The following TGM3 variants were observed in gnomAD, a reference collection of about 807,000 sequenced individuals.
The protein encoded by TGM3 is transglutaminase 3, also known as protein-glutamine gamma-glutamyltransferase E.
TGM3 carries 52 observed loss-of-function variants against 73.8 expected under a neutral mutation model. The ratio of observed to expected loss-of-function variants is 0.70; its 90% CI spans 0.56 to 0.89. TGM3 has a LOEUF of 0.89. Among genes scored for constraint, TGM3 ranks in the 40% least tolerant of loss-of-function variants. TGM3 has a pLI of 0.00. For missense variants in TGM3, 928 were observed against 909.9 expected (o/e 1.02, Z -0.26); for synonymous variants, 372 against 354.9 (o/e 1.05, Z -0.54).
chr20:2,317,304 G>T (rs756981026), intron 6 of TGM3, 46 bp from the exon 7 acceptor site: 5 of 1,613,870 alleles, frequency 3.1e-6, no homozygotes, highest in Admixed American at 3.3e-5. Context: ...CTATGCCAAG[G>T]TACCATCTCC....
At chr20:2,309,373 CAGGATGCACAG>C (rs1244746780) in intron 1 of TGM3, among the ~76,000 whole-genome samples, 1 of 152,190 alleles carries the variant, frequency 6.6e-6, no homozygotes, top group Non-Finnish European at 1.5e-5. Context: ...GCTGTGGGAA[CAGGATGCACAG>C]AGGTTCAGCT....
At position 2,317,249 on chromosome 20, in the gene TGM3, C is replaced by T. The variant is rs372303255; in HGVS notation, c.847+4C>T. The T allele has an allele frequency of 7.0e-5, 113 of 1,614,040 alleles. No homozygotes were observed. In the African/African-American group the frequency reaches 1.4e-3, roughly 20 times the overall value. On this transcript the variant is annotated splice_donor_region_variant and intron_variant, in intron 6 of 12. Coordinates refer to ENST00000381458, the MANE Select transcript of TGM3 (RefSeq NM_003245.4). Reference sequence around the variant, plus strand: ...TTTGCTGGGACCCTCAACACAGGTACCTTGGGTGTGGTGTGCCTTGGCTGG... The same window carrying T: ...TTTGCTGGGACCCTCAACACAGGTATCTTGGGTGTGGTGTGCCTTGGCTGG...
At chr20:2,316,895 G>T (rs554428139) in intron 5 of TGM3, among the ~76,000 whole-genome samples, 173 bp from the exon 6 acceptor site, 2 of 152,130 alleles carry the variant, frequency 1.3e-5, no homozygotes, top group Non-Finnish European at 2.9e-5. Flanking sequence ...TACCCCTAAG[G>T]GTTAAGTGTT....
rs145559814 is a variant in TGM3, at chr20:2,340,725, G to A, written c.*144G>A. 2.0e-4 allele frequency: 208 copies of A among 1,066,582 alleles called. 1 individual carries two copies. Among genetic ancestry groups the A allele is most frequent in the Admixed American group, 7.7e-4 (38 of 49,404 alleles). The allele number at this position is 1,066,582 out of a possible 1,614,324, so 66.1% of individuals were successfully genotyped here. A position where few individuals can be genotyped will look rare whatever the true frequency, so the allele number is the denominator to read the frequency against. ...GCCAGACATGGACCTCCAGGCTCCAGCACATCCCCCTCTCCTCTCCCCCAG... is the reference window on the plus strand; with the variant it reads ...GCCAGACATGGACCTCCAGGCTCCAACACATCCCCCTCTCCTCTCCCCCAG... On this transcript the variant is annotated 3_prime_UTR_variant, in exon 13 of 13. Transcript: ENST00000381458.
intron 1 of TGM3, among the ~76,000 whole-genome samples, chr20:2,300,523 A>G (rs1600689177): frequency 6.6e-6 from 1 of 152,148 alleles, no homozygotes; most frequent in East Asian, 1.9e-4. Context: ...ACCTGTGTCT[A>G]AGTCATTGCT....
intron 1 of TGM3, among the ~76,000 whole-genome samples, chr20:2,298,159 G>A (rs966304145): frequency 5.9e-5 from 9 of 152,148 alleles, no homozygotes; most frequent in African/African-American, 1.9e-4. Context: ...TGCTTTGAGA[G>A]GACTCTGTGT....
Position 2,337,717 on chromosome 20 carries a change from CA to C in TGM3, c.1801-2123del, listed in dbSNP as rs554353976. ...CCTGGCTGACAGAGTGAGACTCCGTCAAAAAAAAAAAAAATTAGTGTTTTTC... is the reference window on the plus strand; with the variant it reads ...CCTGGCTGACAGAGTGAGACTCCGTCAAAAAAAAAAAAATTAGTGTTTTTC... On this transcript the variant is annotated intron_variant, in intron 11 of 12. Coordinates refer to ENST00000381458, the MANE Select transcript of TGM3 (RefSeq NM_003245.4). 2.5e-3 allele frequency among the ~76,000 whole-genome samples: 348 copies of C among 139,854 alleles called. 1 individual carries two copies. Among genetic ancestry groups the C allele is most frequent in the South Asian group, 7.5e-3 (33 of 4,426 alleles). 91.7% of individuals were successfully genotyped at this position (139,854 alleles called of 152,430 possible).
chr20:2,320,283 C>T (rs1018153949), intron 7 of TGM3, among the ~76,000 whole-genome samples: 1 of 152,188 alleles, frequency 6.6e-6, no homozygotes, highest in African/African-American at 2.4e-5. Context: ...GTAATAGTAA[C>T]AGCAGCAACT....
At chr20:2,317,609 T>A in intron 7 of TGM3, 124 bp downstream of exon 7, 1 of 1,359,436 alleles carries the variant, frequency 7.4e-7, no homozygotes, top group East Asian at 2.3e-5. Flanking sequence ...CATCACAGGG[T>A]GTAGAATGGA....
In TGM3 at chr20:2,339,870, G is replaced by C. The variant is rs757993770; in HGVS notation, c.1817G>C (p.Arg606Pro). The stretch of plus-strand genomic sequence containing the variant: ...CCCCCATAGGTGCTGAACGAGGCTC[G>C]TGTGCGGAAGCCTGTGAACGTGCAG... ...TLTLEVLNEA[R>P]VRKPVNVQML... Residue 606 changes from arginine (R) to proline (P), a missense_variant, in exon 12 of 13, where the codon CGT becomes CCT. Arg to Pro is a moderately radical substitution (Grantham distance 103, BLOSUM62 -2). Coordinates refer to ENST00000381458, the MANE Select transcript of TGM3 (RefSeq NM_003245.4). The C allele has an allele frequency of 2.5e-6, 4 of 1,614,042 alleles. No individual in the cohort carries two copies. Among genetic ancestry groups the C allele is most frequent in the Non-Finnish European group, 3.4e-6 (4 of 1,180,012 alleles).
At chr20:2,321,864 GGGA>G (rs1306817176) in intron 7 of TGM3, among the ~76,000 whole-genome samples, 2 of 152,328 alleles carry the variant, frequency 1.3e-5, no homozygotes, top group Admixed American at 1.3e-4. Context: ...TTTTGCATGA[GGGA>G]GGAACCAGGA....
At chr20:2,307,913 G>A (rs948254900) in intron 1 of TGM3, among the ~76,000 whole-genome samples, 2 of 151,990 alleles carry the variant, frequency 1.3e-5, no homozygotes, top group African/African-American at 2.4e-5. Flanking sequence ...CAGTGTGCTA[G>A]GCATCAGAAT....
In TGM3 at chr20:2,332,416, A is replaced by G. The variant is rs1192454267; in HGVS notation, c.1642+106A>G. On this transcript the variant is annotated intron_variant, in intron 10 of 12. Coordinates refer to ENST00000381458, the MANE Select transcript of TGM3 (RefSeq NM_003245.4). This position sits in a 1 kb window ranked among gnomAD's most constrained non-coding sequence, Gnocchi z 4.4. ...CTCCAGGTTAGTCAGCTACGAATGG[A>G]GCAGCCAGCGGCCCCTGTGGTTAAG... The G allele has an allele frequency of 9.9e-6, 11 of 1,116,130 alleles. No homozygotes were observed. The highest frequency in any genetic ancestry group is 1.2e-5 in the Non-Finnish European group (10 of 805,150). The allele number at this position is 1,116,130 out of a possible 1,614,324, so 69.1% of individuals were successfully genotyped here. A position where few individuals can be genotyped will look rare whatever the true frequency, so the allele number is the denominator to read the frequency against.
At chr20:2,339,656 C>G (rs1350016643) in intron 11 of TGM3, among the ~76,000 whole-genome samples, 198 bp from the exon 12 acceptor site, 1 of 152,120 alleles carries the variant, frequency 6.6e-6, no homozygotes, top group Non-Finnish European at 1.5e-5. Flanking sequence ...GGATAATGTC[C>G]TGGGACCATC....
At chr20:2,302,586 C>T (rs374238338) in intron 1 of TGM3, among the ~76,000 whole-genome samples, 1 of 152,068 alleles carries the variant, frequency 6.6e-6, no homozygotes, top group East Asian at 1.9e-4. Flanking sequence ...GTACGTATGG[C>T]CCTGCATGGT....
rs1251243802 is a variant in TGM3 at position 2,328,421 on chromosome 20, C to T, written c.1333+56C>T. On this transcript the variant is annotated intron_variant, in intron 9 of 12. Transcript: ENST00000381458. The surrounding 1 kb of genome is among the most constrained non-coding windows in gnomAD (Gnocchi z 5.2). ...GAGAGGTTCTATTGTGGGAGGATGG[C>T]TCTGAGGCTGGAGAGGAGAAAAGTC... The T allele has an allele frequency of 6.2e-7, 1 of 1,601,968 alleles. No homozygotes were observed. The highest frequency in any genetic ancestry group is 2.2e-5 in the East Asian group (1 of 44,674).
At chr20:2,310,145 G>T in intron 2 of TGM3, 33 bp from the exon 3 acceptor site, 1 of 1,612,750 alleles carries the variant, frequency 6.2e-7, no homozygotes, top group Non-Finnish European at 8.5e-7. Context: ...ACCAGTGCTT[G>T]TTGGTTTTCT....
chr20:2,340,349 G>T, intron 12 of TGM3, 85 bp from the exon 13 acceptor site: 1 of 1,568,002 alleles, frequency 6.4e-7, no homozygotes, highest in Non-Finnish European at 8.7e-7. Context: ...GCCTCCATCA[G>T]AACAGGACAG....
chr20:2,326,823 T>A (rs926295934), intron 8 of TGM3, among the ~76,000 whole-genome samples: 6 of 151,446 alleles, frequency 4.0e-5, no homozygotes, highest in Non-Finnish European at 1.5e-5. Flanking sequence ...CACTCCGGCC[T>A]GGGAGACAGA....
Sources: allele counts gnomAD v4.1 joint callset (sites outside exome capture counted in the v4.1 genomes callset), GRCh38; gene constraint gnomAD v4.1.1; non-coding constraint Gnocchi (gnomAD v3.1); transcripts MANE v1.5; gene names NCBI Gene and HGNC (gene_info 2026-07-23, HGNC 2026-07-21).